The following GATAD2A variants were observed in gnomAD, a reference collection of about 807,000 sequenced individuals.
GATAD2A encodes the protein transcriptional repressor p66-alpha.
GATAD2A carries 12 observed loss-of-function variants against 68.5 expected under a neutral mutation model. The observed-to-expected ratio is 0.18, with a 90% CI of 0.11 to 0.28. The LOEUF (loss-of-function observed/expected upper bound fraction) is 0.28. Ranked by LOEUF, GATAD2A falls within the 10% of genes least tolerant of loss-of-function variation. GATAD2A has a pLI of 1.00. For synonymous variants in GATAD2A, 410 were observed against 375.3 expected (o/e 1.09, Z -1.07); for missense variants, 755 against 868.5 (o/e 0.87, Z 1.64).
intron 1 of GATAD2A, among the ~76,000 whole-genome samples, chr19:19,445,114 C>A (rs2055560307): frequency 6.6e-6 from 1 of 152,078 alleles, no homozygotes. Context: ...TTCTGAGTTC[C>A]CATGTGTACA....
chr19:19,427,764 C>A, intron 1 of GATAD2A: 1 of 152,806 alleles, frequency 6.5e-6, no homozygotes, highest in South Asian at 2.0e-4. Context: ...GCCTCCGCCT[C>A]CCAGGTTCAA....
intron 1 of GATAD2A, among the ~76,000 whole-genome samples, chr19:19,442,600 T>C (rs146461872): frequency 0.013 from 1,974 of 151,964 alleles, 51 homozygotes; most frequent in African/African-American, 0.046. Context: ...TGCACTCCAG[T>C]CTGGGCAACA....
At chr19:19,433,946 T>A (rs534225399) in intron 1 of GATAD2A, among the ~76,000 whole-genome samples, 12 of 152,212 alleles carry the variant, frequency 7.9e-5, no homozygotes, top group South Asian at 2.1e-4. Flanking sequence ...TTTTCAAAAA[T>A]TTTTTTTGTA....
rs138976249 is a variant in GATAD2A, at chr19:19,474,929, G to A, written c.269+9315G>A. On this transcript the variant is annotated intron_variant, in intron 2 of 11. Transcript: ENST00000683918. ...ACACGTGTGGCTCTGTCTTAAGCCC[G>A]TCACCCTTGTCCCTCTTTGATGGAA... is the stretch of plus-strand genomic sequence containing the variant. Among the ~76,000 whole-genome samples, 806 of 152,318 alleles carry A rather than the reference G, an allele frequency of 5.3e-3. 6 individuals carry two copies. The highest frequency in any genetic ancestry group is 0.041 in the South Asian group (198 of 4,826).
In GATAD2A at chr19:19,506,273, C is replaced by T; in HGVS notation, c.*799C>T. The stretch of plus-strand genomic sequence containing the variant: ...GAACAAACTGAAGAACAGACCCAGC[C>T]AGAGAAGCAGGGATTCCAGAAGCTG... On this transcript the variant is annotated 3_prime_UTR_variant, in exon 12 of 12. Transcript: ENST00000683918. 1 of 398,132 alleles carries T rather than the reference C, an allele frequency of 2.5e-6. No individual in the cohort carries two copies. The highest frequency in any genetic ancestry group is 4.4e-6 in the Non-Finnish European group (1 of 225,952). 24.7% of individuals were successfully genotyped at this position (398,132 alleles called of 1,614,324 possible). A position where few individuals can be genotyped will look rare whatever the true frequency, so the allele number is the denominator to read the frequency against.
upstream of GATAD2A, among the ~76,000 whole-genome samples, chr19:19,403,505 C>T (rs1416654829): frequency 1.3e-5 from 2 of 152,106 alleles, no homozygotes; most frequent in Non-Finnish European, 2.9e-5. Context: ...GTCACCAGTG[C>T]ACCCCTCACT....
chr19:19,408,148 G>C (rs775644565), intron 1 of GATAD2A, among the ~76,000 whole-genome samples: 5 of 152,020 alleles, frequency 3.3e-5, no homozygotes, highest in Non-Finnish European at 7.4e-5. Flanking sequence ...TACCATGCCC[G>C]GCTAAGTTTT....
intron 2 of GATAD2A, 64 bp downstream of exon 2, chr19:19,465,678 G>T: frequency 6.5e-7 from 1 of 1,529,696 alleles, no homozygotes; most frequent in South Asian, 1.2e-5. Flanking sequence ...GCCCAGGTTG[G>T]GGCTGGCCAC....
At chr19:19,502,124 C>A in intron 10 of GATAD2A, 81 bp downstream of exon 10, 2 of 1,059,134 alleles carry the variant, frequency 1.9e-6, no homozygotes, top group South Asian at 1.3e-5. Context: ...GTCACGCTGC[C>A]TCTTCTGTCT....
intron 2 of GATAD2A, among the ~76,000 whole-genome samples, chr19:19,488,933 G>C (rs79879961): frequency 0.025 from 3,763 of 152,314 alleles, 81 homozygotes; most frequent in Non-Finnish European, 0.039. Flanking sequence ...CGCTGTCCCT[G>C]GGCCACGATG....
intron 2 of GATAD2A, among the ~76,000 whole-genome samples, chr19:19,490,920 A>G (rs767490045): frequency 2.6e-5 from 4 of 152,196 alleles, no homozygotes; most frequent in Non-Finnish European, 4.4e-5. Flanking sequence ...AACCCAGATC[A>G]TCAGGGACAG....
intron 1 of GATAD2A, among the ~76,000 whole-genome samples, chr19:19,389,162 G>A (rs2048671265): frequency 6.6e-6 from 1 of 152,054 alleles, no homozygotes; most frequent in Non-Finnish European, 1.5e-5. Context: ...TGGAGCCCAA[G>A]TAGATGAATG....
chr19:19,421,178 G>A (rs1317043697), intron 1 of GATAD2A, among the ~76,000 whole-genome samples: 1 of 152,170 alleles, frequency 6.6e-6, no homozygotes, highest in Non-Finnish European at 1.5e-5. Flanking sequence ...TGGCTTGGCT[G>A]CATGTTAGTG....
chr19:19,429,290 C>T lies in GATAD2A; in HGVS notation c.-7+23271C>T, dbSNP rs922357025. The T allele has an allele frequency of 4.3e-6, 4 of 928,658 alleles. No individual in the cohort carries two copies. The Admixed American group carries it at 1.9e-4, about 44-fold the overall frequency. The allele number at this position is 928,658 out of a possible 1,614,324, so 57.5% of individuals were successfully genotyped here. A position where few individuals can be genotyped will look rare whatever the true frequency, so the allele number is the denominator to read the frequency against. On this transcript the variant is annotated intron_variant, in intron 1 of 11. Coordinates refer to ENST00000683918, the MANE Select transcript of GATAD2A (RefSeq NM_001384528.1). The stretch of plus-strand genomic sequence containing the variant: ...CTTGCCTGAGTAACAGGTGCTTGAA[C>T]CCAAAGGATGGGTGGGAGCTAGGAG...
chr19:19,465,388 C>T lies in GATAD2A; in HGVS notation c.43C>T (p.Leu15Phe), dbSNP rs373214469. The T allele has an allele frequency of 1.9e-6, 3 of 1,613,896 alleles. No homozygotes were observed. In the African/African-American group the frequency reaches 4.0e-5, roughly 22 times the overall value. ...CCGAACACGGAGTCAGAAACGAGCGCTTGAACGGGACCCAACAGAGGACGA... is the reference window on the plus strand; with the variant it reads ...CCGAACACGGAGTCAGAAACGAGCGTTTGAACGGGACCCAACAGAGGACGA... ...ACRTRSQKRA[L>F]ERDPTEDDVE... is the part of the protein sequence containing the mutation. The change falls in exon 2 of 12, where the codon CTT becomes TTT. Residue 15 changes from leucine to phenylalanine, a missense_variant. Coordinates refer to ENST00000683918, the MANE Select transcript of GATAD2A (RefSeq NM_001384528.1).
Position 19,405,685 on chromosome 19 carries a change from C to T in GATAD2A, c.-341C>T, listed in dbSNP as rs925674187. 3 of 151,934 alleles carry T rather than the reference C, an allele frequency of 2.0e-5. No homozygotes were observed. The highest frequency in any genetic ancestry group is 4.8e-5 in the African/African-American group (2 of 41,412). The allele number at this position is 151,934 out of a possible 1,614,324, so 9.4% of individuals were successfully genotyped here. A position where few individuals can be genotyped will look rare whatever the true frequency, so the allele number is the denominator to read the frequency against. Reference sequence around the variant, plus strand: ...CGCCCCTCGGTCGCCACGCCCCGCCCAGCCGGGCGCGGGCGGGCGGCGTCG... The same window carrying T: ...CGCCCCTCGGTCGCCACGCCCCGCCTAGCCGGGCGCGGGCGGGCGGCGTCG... On this transcript the variant is annotated 5_prime_UTR_variant, in exon 1 of 12. Coordinates refer to ENST00000683918, the MANE Select transcript of GATAD2A (RefSeq NM_001384528.1).
intron 1 of GATAD2A, among the ~76,000 whole-genome samples, chr19:19,456,109 G>A (rs540421928): frequency 2.0e-5 from 3 of 148,172 alleles, no homozygotes; most frequent in South Asian, 4.3e-4. Context: ...AGCCGAGATC[G>A]CGCCACTGCA....
At chr19:19,429,684 A>C (rs115093960) in intron 1 of GATAD2A, among the ~76,000 whole-genome samples, 1 of 151,534 alleles carries the variant, frequency 6.6e-6, no homozygotes, top group Non-Finnish European at 1.5e-5. Flanking sequence ...AGGCAGGGGC[A>C]GACCAGGGGC....
chr19:19,502,448 G>C lies in GATAD2A; in HGVS notation c.1696G>C (p.Gly566Arg). The change falls in exon 11 of 12, where the codon GGC (glycine) becomes CGC (arginine). Residue 566 changes from glycine (G) to arginine (R), a missense_variant. Gly to Arg is a moderately radical substitution (Grantham distance 125, BLOSUM62 -2). Coordinates refer to ENST00000683918, the MANE Select transcript of GATAD2A (RefSeq NM_001384528.1). ...ASATALVSRT[G>R]RHSERTVSAG... ...GGCCACAGCCCTGGTCAGCAGGACC[G>C]GCAGACATTCTGAGAGAACCGTGAG... 2 of 1,613,652 alleles carry C rather than the reference G, an allele frequency of 1.2e-6. No individual in the cohort carries two copies. The highest frequency in any genetic ancestry group is 1.7e-6 in the Non-Finnish European group (2 of 1,179,938).
Sources: allele counts gnomAD v4.1 joint callset (sites outside exome capture counted in the v4.1 genomes callset), GRCh38; gene constraint gnomAD v4.1.1; transcripts MANE v1.5; gene names NCBI Gene and HGNC (gene_info 2026-07-23, HGNC 2026-07-21).